Variants in KMT2C observed in about 807,000 individuals in gnomAD.
KMT2C encodes histone-lysine N-methyltransferase 2C.
KMT2C carries 88 observed loss-of-function variants against 507.9 expected under a neutral mutation model. The observed-to-expected ratio is 0.17, with a 90% CI of 0.15 to 0.21. The LOEUF is 0.21. Ranked by LOEUF, KMT2C falls within the 10% of genes least tolerant of loss-of-function variation. KMT2C has a pLI of 1.00. For synonymous variants in KMT2C, 2,049 were observed against 2,080.8 expected, an observed-to-expected ratio of 0.98 and a Z score of 0.42; for missense variants, 4,954 against 5,957.8, an observed-to-expected ratio of 0.83 and a Z score of 5.55.
At chr7:152,227,197 C>T (rs936427413) in intron 18 of KMT2C, among the ~76,000 whole-genome samples, 2 of 152,192 alleles carry the variant, frequency 1.3e-5, no homozygotes, top group African/African-American at 4.8e-5. Context: ...ACTTCTAGTA[C>T]TTCAACACTT....
chr7:152,218,644 C>T (rs1173550618), intron 23 of KMT2C, among the ~76,000 whole-genome samples: 1 of 152,088 alleles, frequency 6.6e-6, no homozygotes, highest in East Asian at 1.9e-4. Context: ...ATTCAATGGC[C>T]TCCCATTCCA....
chr7:152,151,528 T>C lies in KMT2C; in HGVS notation c.12580A>G (p.Arg4194Gly). The C allele has an allele frequency of 6.2e-7, 1 of 1,614,056 alleles. No homozygotes were observed. Among genetic ancestry groups the C allele is most frequent in the Non-Finnish European group, 8.5e-7 (1 of 1,179,866 alleles). ...SHGIAESAAL[R>G]PQWCCHCKVV... Reference sequence around the variant, plus strand: ...TTACAATGACAACACCACTGTGGTCTGAGTGCTGCGCTTTCTGCAATACCA... The same window carrying C: ...TTACAATGACAACACCACTGTGGTCCGAGTGCTGCGCTTTCTGCAATACCA... The change falls in exon 50 of 59, where the codon AGA becomes GGA. Residue 4194 changes from arginine (R) to glycine (G), a missense_variant. Physicochemically the swap from Arg to Gly is moderately radical, Grantham distance 125 (BLOSUM62 -2). This residue lies in a region of KMT2C where 417 missense variants were observed against 461.1 expected (regional missense o/e 0.90). Transcript: ENST00000262189.
intron 24 of KMT2C, among the ~76,000 whole-genome samples, chr7:152,205,552 A>G (rs1056722642): frequency 3.3e-5 from 5 of 152,190 alleles, no homozygotes; most frequent in African/African-American, 1.2e-4. Flanking sequence ...TGCCTCATAC[A>G]TCACATAACA....
At chr7:152,200,615 A>T (rs2094108754) in intron 26 of KMT2C, among the ~76,000 whole-genome samples, 1 of 152,144 alleles carries the variant, frequency 6.6e-6, no homozygotes, top group African/African-American at 2.4e-5. Flanking sequence ...CTGTAATCCC[A>T]GCTACCTGGA....
intron 17 of KMT2C, 76 bp from the exon 18 acceptor site, chr7:152,230,103 T>C (rs1317023092): frequency 2.3e-6 from 2 of 864,360 alleles, no homozygotes; most frequent in Non-Finnish European, 3.7e-6. Flanking sequence ...TAAAAATACC[T>C]TCTTAACTAA....
intron 23 of KMT2C, among the ~76,000 whole-genome samples, chr7:152,209,781 A>C (rs1317362357): frequency 6.6e-6 from 1 of 151,900 alleles, no homozygotes; most frequent in Non-Finnish European, 1.5e-5. Context: ...AAGGAGAAAA[A>C]CAACTTAACA....
intron 1 of KMT2C, among the ~76,000 whole-genome samples, chr7:152,359,930 T>A (rs896013452): frequency 6.6e-6 from 1 of 151,234 alleles, no homozygotes; most frequent in Non-Finnish European, 1.5e-5. Flanking sequence ...GTGCCTGTAA[T>A]CCCAGCTACT....
At chr7:152,434,037 T>C (rs370357070) in intron 1 of KMT2C, among the ~76,000 whole-genome samples, 10 of 152,316 alleles carry the variant, frequency 6.6e-5, no homozygotes, top group East Asian at 5.8e-4. Context: ...TGGGAGGCAA[T>C]CAAGGTAAAA....
At chr7:152,301,199 A>T (rs1409355696) in intron 6 of KMT2C, among the ~76,000 whole-genome samples, 2 of 30,106 alleles carry the variant, frequency 6.6e-5, no homozygotes, top group African/African-American at 6.3e-4. Context: ...CTGTCTCCTA[A>T]AAAAAAAAAA....
At chr7:152,418,792 G>A (rs1441227968) in intron 1 of KMT2C, among the ~76,000 whole-genome samples, 4 of 151,802 alleles carry the variant, frequency 2.6e-5, no homozygotes, top group South Asian at 2.1e-4. Flanking sequence ...TTAACAATAC[G>A]GAAATTTTCT....
Position 152,162,617 on chromosome 7 carries a change from G to C in KMT2C, c.10960C>G (p.Gln3654Glu), listed in dbSNP as rs573832297. Residue 3654 changes from glutamine to glutamate, a missense_variant, in exon 43 of 59, where the codon CAA becomes GAA. Gln to Glu is a conservative substitution (Grantham distance 29, BLOSUM62 2). Around this residue, in one of 29 missense-constraint regions of KMT2C, gnomAD observed 801 missense variants for 751.2 expected, o/e 1.07. Transcript: ENST00000262189. The part of the protein sequence containing the change: ...PAVSTPSELP[Q>E]QADQESVEPV... ...TCCACCGACTCTTGGTCGGCTTGTTGAGGAAGCTCACTGGGTGTGCTCACT... is the reference window on the plus strand; with the variant it reads ...TCCACCGACTCTTGGTCGGCTTGTTCAGGAAGCTCACTGGGTGTGCTCACT... 11 of 1,614,246 alleles carry C rather than the reference G, an allele frequency of 6.8e-6. No homozygotes were observed. In the Admixed American group the frequency reaches 1.2e-4, roughly 17 times the overall value.
intron 1 of KMT2C, among the ~76,000 whole-genome samples, chr7:152,399,502 A>C (rs569527429): frequency 2.5e-4 from 38 of 152,228 alleles, no homozygotes; most frequent in South Asian, 6.2e-4. Context: ...AAAACAATGG[A>C]CTCTTGAATG....
chr7:152,336,156 G>A (rs2096933338), intron 2 of KMT2C, among the ~76,000 whole-genome samples: 1 of 152,008 alleles, frequency 6.6e-6, no homozygotes, highest in Non-Finnish European at 1.5e-5. Flanking sequence ...AAATAAAGAG[G>A]ACTCTATGAC....
intron 1 of KMT2C, chr7:152,367,097 A>T: frequency 1.2e-6 from 1 of 835,062 alleles, no homozygotes; most frequent in Non-Finnish European, 2.0e-6. Flanking sequence ...TTTTATCCAG[A>T]GAAGGAACAG....
chr7:152,215,548 A>G (rs2094555205), intron 23 of KMT2C, among the ~76,000 whole-genome samples: 2 of 150,014 alleles, frequency 1.3e-5, no homozygotes, highest in South Asian at 2.1e-4. Flanking sequence ...AAAGATTGAA[A>G]GAAACCCAAA....
chr7:152,246,339 G>A (rs2095472622), intron 14 of KMT2C, among the ~76,000 whole-genome samples: 1 of 152,024 alleles, frequency 6.6e-6, no homozygotes, highest in Non-Finnish European at 1.5e-5. Context: ...AAGAGGGGCA[G>A]AAAAATAGAA....
intron 9 of KMT2C, 109 bp from the exon 10 acceptor site, chr7:152,252,824 G>C: frequency 1.3e-6 from 1 of 771,218 alleles, no homozygotes; most frequent in Non-Finnish European, 2.0e-6. Flanking sequence ...TATACATTAA[G>C]CTTTTATTTT....
intron 1 of KMT2C, among the ~76,000 whole-genome samples, chr7:152,418,381 G>A (rs1400238662): frequency 6.6e-6 from 1 of 152,154 alleles, no homozygotes; most frequent in African/African-American, 2.4e-5. Flanking sequence ...GTGAGAAGAG[G>A]AAAAGGGGAG....
At chr7:152,345,564 G>A (rs1303290548) in intron 2 of KMT2C, among the ~76,000 whole-genome samples, 3 of 152,082 alleles carry the variant, frequency 2.0e-5, no homozygotes, top group Non-Finnish European at 4.4e-5. Flanking sequence ...TTGCTCTGTC[G>A]CCCAGGCTGG....
Sources: gnomAD v4.1 joint callset for allele counts (sites outside exome capture counted in the v4.1 genomes callset) on GRCh38, gnomAD v4.1.1 for gene constraint, gnomAD v4.1.1 regional missense constraint, MANE v1.5 for transcripts, NCBI Gene and HGNC (gene_info 2026-07-23, HGNC 2026-07-21) for gene names.